The following MYH4 variants were observed in gnomAD, a reference collection of about 807,000 sequenced individuals.
The protein encoded by MYH4 is myosin heavy chain 4.
A neutral mutation model predicts 229.9 loss-of-function variants in MYH4; 200 were observed. The ratio of observed to expected loss-of-function variants is 0.87; its 90% CI spans 0.78 to 0.98. MYH4 has a LOEUF of 0.98. Ranked by LOEUF, MYH4 falls within the 50% of genes least tolerant of loss-of-function variation. The pLI is 0.00. For missense variants in MYH4, 2,148 were observed against 2,332.6 expected (o/e 0.92, Z 1.63); for synonymous variants, 761 against 834.6 (o/e 0.91, Z 1.52).
chr17:10,444,730 A>G, intron 38 of MYH4, 31 bp from the exon 39 acceptor site: 1 of 1,612,480 alleles, frequency 6.2e-7, no homozygotes, highest in Non-Finnish European at 8.5e-7. Context: ...TGGTGCCATT[A>G]TTTTAAAACA....
At chr17:10,464,094 T>A (rs1220557433) in intron 7 of MYH4, among the ~76,000 whole-genome samples, 1 of 152,186 alleles carries the variant, frequency 6.6e-6, no homozygotes, top group Non-Finnish European at 1.5e-5. Context: ...ATTTAGGGTA[T>A]GGATGATCCT....
At chr17:10,459,175 A>G in intron 15 of MYH4, 76 bp downstream of exon 15, 2 of 1,609,628 alleles carry the variant, frequency 1.2e-6, no homozygotes, top group Non-Finnish European at 8.5e-7. Context: ...TTCTTTGAGA[A>G]CAGGGAGTGT....
intron 4 of MYH4, among the ~76,000 whole-genome samples, chr17:10,466,065 C>T (rs1163675887): frequency 1.3e-5 from 2 of 152,120 alleles, no homozygotes; most frequent in Non-Finnish European, 2.9e-5. Context: ...TGAGCCACCG[C>T]GCCCGGCCCA....
chr17:10,452,744 G>C (rs2072591759), intron 25 of MYH4, 43 bp downstream of exon 25: 2 of 1,547,820 alleles, frequency 1.3e-6, no homozygotes, highest in Admixed American at 2.1e-5. Context: ...CATTTGCATT[G>C]ACATACAACA....
In MYH4 at chr17:10,464,689, G is replaced by C; in HGVS notation, c.525C>G (p.Ile175Met). Residue 175 changes from isoleucine (I) to methionine (M), a missense_variant, in exon 6 of 40, where the codon ATC (isoleucine) becomes ATG (methionine). By Grantham distance (10) the Ile-to-Met change is conservative (BLOSUM62 1). Transcript: ENST00000255381. ...FMLTDRENQSILITGESGAGK... is the reference protein window; with the variant it reads ...FMLTDRENQSMLITGESGAGK... The stretch of plus-strand genomic sequence containing the variant: ...TAACGAAATCTACATACGTAATCAA[G>C]ATTGACTGGTTTTCACGATCTGTAA... 1 of 1,613,760 alleles carries C rather than the reference G, an allele frequency of 6.2e-7. No homozygotes were observed. The highest frequency in any genetic ancestry group is 8.5e-7 in the Non-Finnish European group (1 of 1,179,728).
intron 25 of MYH4, 76 bp downstream of exon 25, chr17:10,452,711 G>A: frequency 6.8e-7 from 1 of 1,469,898 alleles, no homozygotes; most frequent in Non-Finnish European, 9.2e-7. Context: ...GTAACATTTT[G>A]GAGATCTTTT....
chr17:10,451,842 T>C, intron 27 of MYH4, 99 bp downstream of exon 27: 2 of 1,432,400 alleles, frequency 1.4e-6, no homozygotes, highest in Non-Finnish European at 1.9e-6. Context: ...TCAGATGCCA[T>C]CTAATGTTTG....
intron 11 of MYH4, 146 bp from the exon 12 acceptor site, chr17:10,461,200 C>A: frequency 1.1e-6 from 1 of 883,832 alleles, no homozygotes; most frequent in Admixed American, 2.4e-5. Flanking sequence ...TACTCATATG[C>A]TTTACCTTTT....
At chr17:10,461,127 TCC>T in intron 11 of MYH4, 73 bp from the exon 12 acceptor site, 1 of 1,554,658 alleles carries the variant, frequency 6.4e-7, no homozygotes, top group Admixed American at 1.7e-5. Context: ...CGGGGCTGTC[TCC>T]CACTTTTTTC....
rs760021950 is a variant in MYH4, at chr17:10,445,241, G to A, written c.5291C>T (p.Thr1764Ile). Residue 1764 changes from threonine (T) to isoleucine (I), a missense_variant, in exon 36 of 40, where the codon ACT (threonine) becomes ATT (isoleucine). Coordinates refer to ENST00000255381, the MANE Select transcript of MYH4 (RefSeq NM_017533.2). ...NAEEKAKKAITDAAMMAEELK... is the reference protein window; with the variant it reads ...NAEEKAKKAIIDAAMMAEELK... Reference sequence around the variant, plus strand: ...ACAAATGCTCATCTTGCTTACATCAGTGATGGCCTTCTTGGCCTTCTCCTC... The same window carrying A: ...ACAAATGCTCATCTTGCTTACATCAATGATGGCCTTCTTGGCCTTCTCCTC... 1.9e-6 allele frequency: 3 copies of A among 1,614,192 alleles called. No homozygotes were observed. Among genetic ancestry groups the A allele is most frequent in the Admixed American group, 3.3e-5 (2 of 60,032 alleles).
At chr17:10,468,587 T>C (rs1168025934) in intron 2 of MYH4, among the ~76,000 whole-genome samples, 1 of 152,242 alleles carries the variant, frequency 6.6e-6, no homozygotes, top group African/African-American at 2.4e-5. Context: ...ACATGAACAA[T>C]TAGCAGGATT....
Position 10,457,462 on chromosome 17 carries a change from T to G in MYH4, c.1855A>C (p.Thr619Pro). The part of the protein sequence containing the change: ...VGLYQKSAMK[T>P]LAFLFSGAQT... ...GCCCCAGAGAAGAGGAAAGCCAGAG[T>G]CTTCATTGCAGACTTCTGGTACAGC... is the stretch of plus-strand genomic sequence containing the variant. Residue 619 changes from threonine to proline, a missense_variant, in exon 16 of 40, where the codon ACT becomes CCT. Transcript: ENST00000255381. The G allele has an allele frequency of 6.2e-7, 1 of 1,612,324 alleles. No homozygotes were observed. The highest frequency in any genetic ancestry group is 8.5e-7 in the Non-Finnish European group (1 of 1,178,748).
chr17:10,448,248 A>G, intron 33 of MYH4, 122 bp from the exon 34 acceptor site: 2 of 1,286,066 alleles, frequency 1.6e-6, no homozygotes, highest in Non-Finnish European at 1.1e-6. Context: ...AATGTAGCCT[A>G]TTAGCTCTGC....
At position 10,466,439 on chromosome 17, in the gene MYH4, G is replaced by C. The variant is rs1000269689; in HGVS notation, c.205-23C>G. On this transcript the variant is annotated intron_variant, in intron 3 of 39. Transcript: ENST00000255381. ...AGTCTGTTAAGAAAAGAAAAAACAA[G>C]TGCATATCAAATAAGTAGCAGAAAA... The C allele has an allele frequency of 1.9e-6, 3 of 1,612,972 alleles. No homozygotes were observed. In the South Asian group the frequency reaches 3.3e-5, roughly 18 times the overall value.
At position 10,459,976 on chromosome 17, in the gene MYH4, G is replaced by T; in HGVS notation, c.1392C>A (p.Asp464Glu). Residue 464 changes from aspartate (D) to glutamate (E), a missense_variant, in exon 14 of 40, where the codon GAC becomes GAA. By Grantham distance (45) the Asp-to-Glu change is conservative. Transcript: ENST00000255381. ...QPRQYFIGVL[D>E]IAGFEIFDFN... is the part of the protein sequence containing the mutation. ...CATCAAAGATCTCAAAGCCAGCAATGTCCAAGACCCCGATGAAGTACTGCC... is the reference window on the plus strand; with the variant it reads ...CATCAAAGATCTCAAAGCCAGCAATTTCCAAGACCCCGATGAAGTACTGCC... The T allele has an allele frequency of 6.2e-7, 1 of 1,614,008 alleles. No homozygotes were observed. Among genetic ancestry groups the T allele is most frequent in the Non-Finnish European group, 8.5e-7 (1 of 1,179,950 alleles).
intron 2 of MYH4, among the ~76,000 whole-genome samples, chr17:10,468,377 G>T (rs2072789232): frequency 6.6e-6 from 1 of 152,156 alleles, no homozygotes; most frequent in Non-Finnish European, 1.5e-5. Context: ...GTTGCAGGGG[G>T]TTCTTGAATC....
chr17:10,453,708 C>T lies in MYH4; in HGVS notation c.2869G>A (p.Asp957Asn), dbSNP rs777387347. The change falls in exon 23 of 40, where the codon GAC becomes AAC. Residue 957 changes from aspartate (D) to asparagine (N), a missense_variant. Asp to Asn is a conservative substitution (Grantham distance 23). Coordinates refer to ENST00000255381, the MANE Select transcript of MYH4 (RefSeq NM_017533.2). ...LEDECSELKK[D>N]IDDLELTLAK... ...AGTGTCAGCTCAAGGTCATCAATGT[C>T]TTTCTTGAGCTCTGAACATTCATCC... 5 of 1,614,100 alleles carry T rather than the reference C, an allele frequency of 3.1e-6. No individual in the cohort carries two copies. Among genetic ancestry groups the T allele is most frequent in the Non-Finnish European group, 2.5e-6 (3 of 1,180,006 alleles).
At position 10,466,562 on chromosome 17, in the gene MYH4, C is replaced by T. The variant is rs148833814; in HGVS notation, c.184G>A (p.Ala62Thr). 5.6e-6 allele frequency: 9 copies of T among 1,613,890 alleles called. No individual in the cohort carries two copies. Among genetic ancestry groups the T allele is most frequent in the Non-Finnish European group, 7.6e-6 (9 of 1,180,040 alleles). Residue 62 changes from alanine to threonine, a missense_variant, in exon 3 of 40, where the codon GCC becomes ACC. Physicochemically the swap from Ala to Thr is moderately conservative, Grantham distance 58. Coordinates refer to ENST00000255381, the MANE Select transcript of MYH4 (RefSeq NM_017533.2). ...VQSREGGKVTAKTEAGATVTV... is the reference protein window; with the variant it reads ...VQSREGGKVTTKTEAGATVTV... ...CTCACAGCTCCAGCTTCGGTCTTGG[C>T]TGTCACCTTCCCCCCTTCCCTGCTC...
rs575593634 is a variant in MYH4 at position 10,444,962 on chromosome 17, T to C, written c.5466+14A>G. On this transcript the variant is annotated intron_variant, in intron 37 of 39. Coordinates refer to ENST00000255381, the MANE Select transcript of MYH4 (RefSeq NM_017533.2). ...ACTGGCCACAAGGAATTGAGTGAAG[T>C]TGTGGAGACCTACCCTGGCCTCCAG... 8 of 1,614,112 alleles carry C rather than the reference T, an allele frequency of 5.0e-6. No individual in the cohort carries two copies. The highest frequency in any genetic ancestry group is 1.6e-4 in the Middle Eastern group (1 of 6,062).
Sources: allele counts gnomAD v4.1 joint callset (sites outside exome capture counted in the v4.1 genomes callset), GRCh38; gene constraint gnomAD v4.1.1; transcripts MANE v1.5; gene names NCBI Gene and HGNC (gene_info 2026-07-23, HGNC 2026-07-21).